The following AP4S1 variants were observed in gnomAD, a reference collection of about 807,000 sequenced individuals.
AP4S1 encodes adaptor related protein complex 4 subunit sigma 1, also known as AP-4 complex subunit sigma-1.
A neutral mutation model predicts 19.8 loss-of-function variants in AP4S1; 23 were observed. That is an observed-to-expected ratio of 1.16 (90% CI 0.84 to 1.65). AP4S1 has a LOEUF of 1.65. Ranked by LOEUF, AP4S1 falls within the 40% of genes most tolerant of loss-of-function variation. The pLI, the probability that AP4S1 is intolerant of heterozygous loss-of-function variation, is 0.00. For synonymous variants in AP4S1, 46 were observed against 54.1 expected, an observed-to-expected ratio of 0.85 and a Z score of 0.66; for missense variants, 166 against 172.8, an observed-to-expected ratio of 0.96 and a Z score of 0.22.
intron 5 of AP4S1, among the ~76,000 whole-genome samples, chr14:31,084,573 A>G (rs1887826273): frequency 1.3e-5 from 2 of 152,196 alleles, no homozygotes; most frequent in African/African-American, 4.8e-5. Context: ...CTTGGGACCA[A>G]GCACGTCAGT....
intron 4 of AP4S1, among the ~76,000 whole-genome samples, chr14:31,075,794 C>T (rs1466486021): frequency 1.3e-5 from 2 of 148,208 alleles, no homozygotes; most frequent in East Asian, 2.0e-4. Flanking sequence ...GGCTGGAGTG[C>T]AATGGCGTGC....
intron 1 of AP4S1, among the ~76,000 whole-genome samples, chr14:31,035,493 T>A (rs1884690437): frequency 6.6e-6 from 1 of 151,900 alleles, no homozygotes. Flanking sequence ...GCCCAGCCAG[T>A]AATTCCTTTA....
chr14:31,092,721 G>T (rs533344245), intron 5 of AP4S1, among the ~76,000 whole-genome samples, 186 bp from the exon 6 acceptor site: 2 of 152,202 alleles, frequency 1.3e-5, no homozygotes, highest in East Asian at 3.9e-4. Flanking sequence ...GTGAAACTAG[G>T]TATGTATATA....
At chr14:31,044,597 C>T (rs1885286005) in intron 1 of AP4S1, among the ~76,000 whole-genome samples, 1 of 151,824 alleles carries the variant, frequency 6.6e-6, no homozygotes. Context: ...ATCCACCCAC[C>T]TCAGCTTCCC....
chr14:31,069,238 G>A (rs766283443), intron 2 of AP4S1, among the ~76,000 whole-genome samples: 1 of 152,164 alleles, frequency 6.6e-6, no homozygotes, highest in Non-Finnish European at 1.5e-5. Context: ...TGTCAGTGGT[G>A]GCAGGCTAGT....
At chr14:31,084,449 TA>T (rs1302101833) in intron 5 of AP4S1, among the ~76,000 whole-genome samples, 1 of 152,234 alleles carries the variant, frequency 6.6e-6, no homozygotes, top group African/African-American at 2.4e-5. Context: ...GATTGGATTT[TA>T]AAAAGAAAGG....
chr14:31,065,016 G>A (rs955381687), intron 1 of AP4S1, among the ~76,000 whole-genome samples: 2 of 152,108 alleles, frequency 1.3e-5, no homozygotes. Flanking sequence ...GCTCAGCACA[G>A]CACCTTACAG....
At chr14:31,083,071 T>C (rs1325308161) in intron 5 of AP4S1, among the ~76,000 whole-genome samples, 1 of 152,174 alleles carries the variant, frequency 6.6e-6, no homozygotes, top group Non-Finnish European at 1.5e-5. Flanking sequence ...ATATGTATTA[T>C]AGTTGGATGA....
At chr14:31,074,270 A>C (rs192905511) in intron 4 of AP4S1, among the ~76,000 whole-genome samples, 281 of 152,190 alleles carry the variant, frequency 1.8e-3, no homozygotes, top group Non-Finnish European at 2.9e-3. Context: ...GGTTGCAGTG[A>C]GCCAACATCC....
chr14:31,045,137 A>G (rs1885321473), intron 1 of AP4S1, among the ~76,000 whole-genome samples: 1 of 152,090 alleles, frequency 6.6e-6, no homozygotes, highest in Non-Finnish European at 1.5e-5. Flanking sequence ...CCTGGCCTCA[A>G]GTGATCCGCC....
intron 1 of AP4S1, among the ~76,000 whole-genome samples, chr14:31,065,706 G>A (rs574600212): frequency 1.3e-5 from 2 of 152,096 alleles, no homozygotes; most frequent in Non-Finnish European, 2.9e-5. Flanking sequence ...TGTTGCCCAG[G>A]CTGGAGTGCA....
At chr14:31,040,668 C>T (rs945762529) in intron 1 of AP4S1, among the ~76,000 whole-genome samples, 5 of 151,762 alleles carry the variant, frequency 3.3e-5, no homozygotes, top group African/African-American at 7.3e-5. Context: ...TATTAATTTT[C>T]GAGACTATCA....
At chr14:31,026,674 C>T (rs2139384779) in intron 1 of AP4S1, 1 of 154,016 alleles carries the variant, frequency 6.5e-6, no homozygotes, top group East Asian at 1.9e-4. Context: ...GGCTCCGACT[C>T]TGACTTTTGG....
intron 1 of AP4S1, among the ~76,000 whole-genome samples, chr14:31,043,759 A>G (rs1009499476): frequency 6.0e-4 from 91 of 152,338 alleles, no homozygotes; most frequent in African/African-American, 2.2e-3. Flanking sequence ...CAAATTAGAT[A>G]AAAATCTGCT....
At chr14:31,035,328 G>A (rs1884672330) in intron 1 of AP4S1, among the ~76,000 whole-genome samples, 1 of 150,522 alleles carries the variant, frequency 6.6e-6, no homozygotes. Context: ...CCGAGTAGCT[G>A]GGATTACAAG....
intron 4 of AP4S1, chr14:31,073,281 G>T (rs973616495): frequency 3.7e-5 from 12 of 325,438 alleles, no homozygotes; most frequent in Non-Finnish European, 7.1e-5. Flanking sequence ...ACAAGGTCAG[G>T]AGATGGAGAC....
rs1241249693 is a variant in AP4S1 at position 31,058,517 on chromosome 14, C to CTGTGTGTGTGTGTG, written c.-71-7600_-71-7599insGTGTGTGTGTGTGT. On this transcript the variant is annotated intron_variant, in intron 1 of 5. Coordinates refer to ENST00000542754, the MANE Select transcript of AP4S1 (RefSeq NM_001128126.3). The stretch of plus-strand genomic sequence containing the variant: ...GGTCATCAAAACATCTTCCCCATCT[C>CTGTGTGTGTGTGTG]TGTGTGTGTATGTGTGTGTGTGTGT... 3.6e-4 allele frequency among the ~76,000 whole-genome samples: 50 copies of CTGTGTGTGTGTGTG among 139,452 alleles called. 1 individual carries two copies. Among genetic ancestry groups the CTGTGTGTGTGTGTG allele is most frequent in the East Asian group, 8.5e-4 (4 of 4,720 alleles). 91.5% of individuals were successfully genotyped at this position (139,452 alleles called of 152,430 possible).
chr14:31,026,809 T>TG (rs1257699820), intron 1 of AP4S1: 3 of 152,364 alleles, frequency 2.0e-5, no homozygotes, highest in African/African-American at 7.2e-5. Flanking sequence ...TTAACCTGGC[T>TG]GGTCGCTCTG....
chr14:31,085,545 A>G, intron 5 of AP4S1: 1 of 981,482 alleles, frequency 1.0e-6, no homozygotes, highest in Non-Finnish European at 1.2e-6. Flanking sequence ...GGGCTGAAGC[A>G]GGAGGATTGC....
Sources: gnomAD v4.1 joint callset for allele counts (sites outside exome capture counted in the v4.1 genomes callset) on GRCh38, gnomAD v4.1.1 for gene constraint, MANE v1.5 for transcripts, NCBI Gene and HGNC (gene_info 2026-07-23, HGNC 2026-07-21) for gene names.